The following FAM161B variants were observed in gnomAD, a reference collection of about 807,000 sequenced individuals.
FAM161B encodes the protein protein FAM161B.
Under a neutral mutation model 61.5 loss-of-function variants are expected in FAM161B, and 46 were observed. The ratio of observed to expected loss-of-function variants is 0.75; its 90% CI spans 0.59 to 0.96. FAM161B has a LOEUF of 0.96. Among genes scored for constraint, FAM161B ranks in the 40% least tolerant of loss-of-function variants. The pLI, the probability that FAM161B is intolerant of heterozygous loss-of-function variation, is 0.00. For missense variants in FAM161B, 774 were observed against 800.7 expected, an observed-to-expected ratio of 0.97 and a Z score of 0.40; for synonymous variants, 284 against 302.7, an observed-to-expected ratio of 0.94 and a Z score of 0.64.
intron 7 of FAM161B, 77 bp from the exon 8 acceptor site, chr14:73,936,165 T>C: frequency 7.0e-7 from 1 of 1,420,978 alleles, no homozygotes; most frequent in Non-Finnish European, 9.4e-7. Flanking sequence ...TCAGTATTGT[T>C]ACAATACTGC....
chr14:73,926,911 T>C (rs566005411), downstream of FAM161B, among the ~76,000 whole-genome samples: 5 of 152,334 alleles, frequency 3.3e-5, no homozygotes, highest in South Asian at 1.0e-3. Context: ...TAAATGGTGC[T>C]CTTGCTTCCT....
rs754362748 is a variant in FAM161B at position 73,932,513 on chromosome 14, A to ATT, written c.*1741_*1742dup. The ATT allele has an allele frequency of 3.4e-4, 150 of 445,248 alleles. No homozygotes were observed. Among genetic ancestry groups the ATT allele is most frequent in the Non-Finnish European group, 4.7e-4 (105 of 224,006 alleles). The allele number at this position is 445,248 out of a possible 1,614,324, so 27.6% of individuals were successfully genotyped here. A position where few individuals can be genotyped will look rare whatever the true frequency, so the allele number is the denominator to read the frequency against. On this transcript the variant is annotated 3_prime_UTR_variant, in exon 9 of 9. Transcript: ENST00000286544. ...TGGCAATAAAAACAGATACTTCTGA[A>ATT]TTTTTCCACAAAGATAGTTTTTTTA...
downstream of FAM161B, chr14:73,932,147 CT>C (rs1566671009): frequency 2.7e-6 from 1 of 374,544 alleles, no homozygotes. Flanking sequence ...TACTTGGTCA[CT>C]TTGCTTTCTT....
rs1051992392 is a variant in FAM161B at position 73,941,010 on chromosome 14, G to A, written c.1316C>T (p.Ser439Phe). The change falls in exon 5 of 9, where the codon TCT (serine) becomes TTT (phenylalanine). Residue 439 changes from serine to phenylalanine, a missense_variant. Transcript: ENST00000286544. Reference protein sequence around the residue: ...PPATPLPRSRSLSGLASLSAN... With the variant: ...PPATPLPRSRFLSGLASLSAN... ...AGAGAGGGAAGCAAGGCCGCTCAGA[G>A]AACGACTCCTTGGCAGGGGTGTAGC... The A allele has an allele frequency of 1.9e-6, 3 of 1,608,650 alleles. No individual in the cohort carries two copies. Among genetic ancestry groups the A allele is most frequent in the African/African-American group, 2.7e-5 (2 of 74,690 alleles).
At chr14:73,941,229 T>C (rs998200220) in intron 4 of FAM161B, among the ~76,000 whole-genome samples, 176 bp from the exon 5 acceptor site, 11 of 150,602 alleles carry the variant, frequency 7.3e-5, no homozygotes, top group Non-Finnish European at 1.3e-4. Context: ...GCAATTCTCC[T>C]GCCTCAGCCT....
chr14:73,938,737 A>G (rs1482318557), intron 5 of FAM161B, among the ~76,000 whole-genome samples: 1 of 152,090 alleles, frequency 6.6e-6, no homozygotes, highest in East Asian at 1.9e-4. Flanking sequence ...GTGCCACTGC[A>G]CTCCAGCCTG....
chr14:73,929,403 G>T (rs1316096866), downstream of FAM161B, among the ~76,000 whole-genome samples: 2 of 152,052 alleles, frequency 1.3e-5, no homozygotes, highest in African/African-American at 2.4e-5. Context: ...GAAGGTGAAG[G>T]CTATTTGCAA....
chr14:73,938,105 G>A lies in FAM161B; in HGVS notation c.1408C>T (p.Leu470Phe), dbSNP rs1357082820. Residue 470 changes from leucine to phenylalanine, a missense_variant, in exon 6 of 9, where the codon CTT becomes TTT. Transcript: ENST00000286544. ...RKRESAVRSA[L>F]EKKNKADESI... is the part of the protein sequence containing the mutation. ...TCATCTGCTTTGTTCTTTTTTTCAA[G>A]TGCACTTCTAAAGGAAGGAGGCAGA... The A allele has an allele frequency of 6.2e-7, 1 of 1,613,820 alleles. No individual in the cohort carries two copies. Among genetic ancestry groups the A allele is most frequent in the Admixed American group, 1.7e-5 (1 of 59,948 alleles).
At chr14:73,934,745 T>C (rs928836951) in intron 8 of FAM161B, among the ~76,000 whole-genome samples, 1 of 151,710 alleles carries the variant, frequency 6.6e-6, no homozygotes, top group African/African-American at 2.4e-5. Flanking sequence ...CCGTGCCCAG[T>C]CTGAAAAAAG....
At chr14:73,930,171 TGACTGCAAAGATCTG>T (rs569603238), downstream of FAM161B, among the ~76,000 whole-genome samples, 166 of 152,348 alleles carry the variant, frequency 1.1e-3, 1 homozygote, top group Middle Eastern at 0.01. Context: ...TTGCTAAGTT[TGACTGCAAAGATCTG>T]GATCTTGGCC....
In FAM161B at chr14:73,933,480, T is replaced by G. The variant is rs989830271; in HGVS notation, c.*776A>C. ...ATGGGCTAGATCTGATATGCAGATG[T>G]ATTTTATTTTGCCCATACAATATTT... On this transcript the variant is annotated 3_prime_UTR_variant, in exon 9 of 9. Coordinates refer to ENST00000286544, the MANE Select transcript of FAM161B (RefSeq NM_152445.3). 1.3e-5 allele frequency: 2 copies of G among 152,258 alleles called. No homozygotes were observed. Among genetic ancestry groups the G allele is most frequent in the Non-Finnish European group, 2.9e-5 (2 of 68,040 alleles). The allele number at this position is 152,258 out of a possible 1,614,324, so 9.4% of individuals were successfully genotyped here. A position where few individuals can be genotyped will look rare whatever the true frequency, so the allele number is the denominator to read the frequency against.
chr14:73,931,802 T>C, downstream of FAM161B: 1 of 489,910 alleles, frequency 2.0e-6, no homozygotes, highest in Non-Finnish European at 3.8e-6. Context: ...TGCAAATTTC[T>C]GGGATAGACC....
chr14:73,948,834 A>G (rs2056093412), intron 1 of FAM161B, among the ~76,000 whole-genome samples: 1 of 152,088 alleles, frequency 6.6e-6, no homozygotes, highest in African/African-American at 2.4e-5. Context: ...GGGGTCCACC[A>G]GGTGCACTGG....
rs1409069114 is a variant in FAM161B at position 73,936,103 on chromosome 14, T to A, written c.1666-15A>T. 2 of 1,599,106 alleles carry A rather than the reference T, an allele frequency of 1.3e-6. No individual in the cohort carries two copies. Among genetic ancestry groups the A allele is most frequent in the East Asian group, 2.2e-5 (1 of 44,564 alleles). On this transcript the variant is annotated splice_polypyrimidine_tract_variant and intron_variant, in intron 7 of 8. Transcript: ENST00000286544. ...TTGGCTAGATCCTGTGGGATGGAAA[T>A]TAATCTGTTGTAGCTGTCTTATGAA...
At position 73,935,947 on chromosome 14, in the gene FAM161B, AC is replaced by A. The variant is rs1164637443; in HGVS notation, c.1805+1del. ...CAGAATGACAGCAACATTTCAGGTT[AC>A]CTGGGAAAATCCTTGATTTTGGTCT... is the stretch of plus-strand genomic sequence containing the variant. On this transcript the variant is annotated splice_donor_variant, in intron 8 of 8. Transcript: ENST00000286544. LOFTEE classifies it high-confidence loss of function. 1 of 1,607,008 alleles carries A rather than the reference AC, an allele frequency of 6.2e-7. No homozygotes were observed. The highest frequency in any genetic ancestry group is 8.5e-7 in the Non-Finnish European group (1 of 1,175,198).
chr14:73,925,135 T>G, the FAM161B span, among the ~76,000 whole-genome samples: 1 of 93,908 alleles, frequency 1.1e-5, no homozygotes, highest in African/African-American at 3.0e-5. Flanking sequence ...TTGCCAGGAC[T>G]TTTCTTTTTA....
At position 73,949,990 on chromosome 14, in the gene FAM161B, C is replaced by T; in HGVS notation, c.37G>A (p.Ala13Thr). 2 of 1,613,498 alleles carry T rather than the reference C, an allele frequency of 1.2e-6. No individual in the cohort carries two copies. Among genetic ancestry groups the T allele is most frequent in the Non-Finnish European group, 1.7e-6 (2 of 1,180,020 alleles). ...CTCCTCACCTGACGGCTCCCCTCCGCGCCTCCGGGGGCTCCCTCAGGCCTC... is the reference window on the plus strand; with the variant it reads ...CTCCTCACCTGACGGCTCCCCTCCGTGCCTCCGGGGGCTCCCTCAGGCCTC... Reference protein sequence around the residue: ...VGRPEGAPGGAEGSRQIFPPE... With the variant: ...VGRPEGAPGGTEGSRQIFPPE... Residue 13 changes from alanine (A) to threonine (T), a missense_variant, in exon 1 of 9, where the codon GCG becomes ACG. Physicochemically the swap from Ala to Thr is moderately conservative, Grantham distance 58 (BLOSUM62 0). Transcript: ENST00000286544.
In FAM161B at chr14:73,942,459, C is replaced by T. The variant is rs754010881; in HGVS notation, c.1182G>A (p.Glu394=). The T allele has an allele frequency of 1.9e-6, 3 of 1,614,212 alleles. No individual in the cohort carries two copies. Among genetic ancestry groups the T allele is most frequent in the East Asian group, 2.2e-5 (1 of 44,886 alleles). ...RRAAKRRETQ[E]ATRNKPFLLR... ...GCAAGAAGGGCTTGTTGCGAGTGGCCTCTTGGGTTTCTCTTCTTTTGGCTG... is the reference window on the plus strand; with the variant it reads ...GCAAGAAGGGCTTGTTGCGAGTGGCTTCTTGGGTTTCTCTTCTTTTGGCTG... Residue 394 remains glutamate, a synonymous_variant, in exon 4 of 9, where the codon GAG becomes GAA. Coordinates refer to ENST00000286544, the MANE Select transcript of FAM161B (RefSeq NM_152445.3).
At chr14:73,947,853 G>C (rs1302403707) in intron 1 of FAM161B, among the ~76,000 whole-genome samples, 1 of 152,124 alleles carries the variant, frequency 6.6e-6, no homozygotes. Flanking sequence ...ATTGATTCAG[G>C]GAACCAGGTA....
Sources: gnomAD v4.1 joint callset for allele counts (sites outside exome capture counted in the v4.1 genomes callset) on GRCh38, gnomAD v4.1.1 for gene constraint, MANE v1.5 for transcripts, NCBI Gene and HGNC (gene_info 2026-07-23, HGNC 2026-07-21) for gene names.